The following DCBLD2 variants were observed in gnomAD, a reference collection of about 807,000 sequenced individuals.
DCBLD2 encodes the protein discoidin, CUB and LCCL domain-containing protein 2.
DCBLD2 carries 54 observed loss-of-function variants against 86.8 expected under a neutral mutation model. The ratio of observed to expected loss-of-function variants is 0.62; its 90% confidence interval spans 0.50 to 0.78. The LOEUF is 0.78. DCBLD2 is among the 30% of genes least tolerant of loss of function. The probability of loss-of-function intolerance (pLI) is 0.00; values close to 1 mark genes in which losing one functional copy is unlikely to be tolerated. For missense variants in DCBLD2, 908 were observed against 954.2 expected, an observed-to-expected ratio of 0.95 and a Z score of 0.64; for synonymous variants, 354 against 341.3, an observed-to-expected ratio of 1.04 and a Z score of -0.41.
intron 9 of DCBLD2, among the ~76,000 whole-genome samples, chr3:98,816,643 C>T (rs1382403409): frequency 1.3e-5 from 2 of 151,908 alleles, no homozygotes; most frequent in Non-Finnish European, 2.9e-5. Context: ...GATAATGAGC[C>T]CCTGGAGGTT....
chr3:98,860,296 C>T (rs1943016805), intron 2 of DCBLD2, among the ~76,000 whole-genome samples: 1 of 152,212 alleles, frequency 6.6e-6, no homozygotes. Flanking sequence ...TTGGAAAACA[C>T]TCTGCAGGAT....
At chr3:98,848,128 C>A (rs1435473181) in intron 3 of DCBLD2, among the ~76,000 whole-genome samples, 1 of 152,138 alleles carries the variant, frequency 6.6e-6, no homozygotes, top group Non-Finnish European at 1.5e-5. Flanking sequence ...TCCCACCTCC[C>A]ACCCTCCCAA....
chr3:98,866,169 G>C (rs557373751), intron 2 of DCBLD2, among the ~76,000 whole-genome samples: 1,542 of 151,698 alleles, frequency 0.01, 22 homozygotes, highest in African/African-American at 0.035. Context: ...GCAATAAACA[G>C]ACGTGTGCAT....
intron 1 of DCBLD2, among the ~76,000 whole-genome samples, chr3:98,889,502 G>A (rs1048441957): frequency 6.6e-6 from 1 of 151,990 alleles, no homozygotes; most frequent in African/African-American, 2.4e-5. Flanking sequence ...CAAAGTTATA[G>A]GGCAAAATAA....
chr3:98,861,002 T>C (rs1467587172), intron 2 of DCBLD2, among the ~76,000 whole-genome samples: 2 of 152,164 alleles, frequency 1.3e-5, no homozygotes, highest in Admixed American at 6.5e-5. Flanking sequence ...GAGACACACA[T>C]AGGCTCAAAA....
At chr3:98,841,849 T>C (rs1037051335) in intron 3 of DCBLD2, among the ~76,000 whole-genome samples, 3 of 152,024 alleles carry the variant, frequency 2.0e-5, no homozygotes, top group African/African-American at 7.3e-5. Context: ...GATCACGAGG[T>C]CAGGAGATCG....
chr3:98,855,633 A>C (rs1942919826), intron 2 of DCBLD2, among the ~76,000 whole-genome samples: 1 of 152,206 alleles, frequency 6.6e-6, no homozygotes, highest in Non-Finnish European at 1.5e-5. Flanking sequence ...CCCTCCTCTA[A>C]AATCCTTTCA....
rs749528635 is a variant in DCBLD2 at position 98,901,127 on chromosome 3, T to C, written c.200A>G (p.Gln67Arg). 2.6e-6 allele frequency: 4 copies of C among 1,539,612 alleles called. No homozygotes were observed. The highest frequency in any genetic ancestry group is 3.5e-6 in the Non-Finnish European group (4 of 1,146,756). ...LLLLLEDAGA[Q>R]QGDGCGHTVL... ...ACTCCCCTGGGACCACTCACCTTGC[T>C]GGGCTCCAGCGTCCTCGAGCAGCAG... Residue 67 changes from glutamine (Q) to arginine (R), a missense_variant, in exon 1 of 16, where the codon CAG (glutamine) becomes CGG (arginine). By Grantham distance (43) the Gln-to-Arg change is conservative. This residue lies in a region of DCBLD2 where 294 missense variants were observed against 256.0 expected (regional missense o/e 1.15). Coordinates refer to ENST00000326840, the MANE Select transcript of DCBLD2 (RefSeq NM_080927.4).
intron 2 of DCBLD2, among the ~76,000 whole-genome samples, chr3:98,870,806 A>AAAGGAAGAAAGG (rs1491200178): frequency 1.1e-4 from 13 of 123,300 alleles, no homozygotes; most frequent in Admixed American, 1.1e-3. Flanking sequence ...AGAAAGAAAG[A>AAAGGAAGAAAGG]AAGAAAGGTA....
chr3:98,809,795 T>C (rs1033314589), intron 12 of DCBLD2, among the ~76,000 whole-genome samples: 1 of 152,266 alleles, frequency 6.6e-6, no homozygotes, highest in East Asian at 1.9e-4. Context: ...ATCTTTTCCA[T>C]GAAATCACTC....
rs1196912216 is a variant in DCBLD2 at position 98,839,155 on chromosome 3, C to CTTTCTT, written c.571+10300_571+10305dup. On this transcript the variant is annotated intron_variant, in intron 3 of 15. Coordinates refer to ENST00000326840, the MANE Select transcript of DCBLD2 (RefSeq NM_080927.4). ...TCCTTCCTTCCTTCCTTCTTTCTTT[C>CTTTCTT]TTTCTTTCTTTCTTTCCTTTCTTTC... Among the ~76,000 whole-genome samples, 701 of 89,102 alleles carry CTTTCTT rather than the reference C, an allele frequency of 7.9e-3. 4 individuals are homozygous for CTTTCTT. The highest frequency in any genetic ancestry group is 0.03 in the African/African-American group (662 of 22,386). 58.5% of individuals were successfully genotyped at this position (89,102 alleles called of 152,430 possible).
chr3:98,876,412 T>TAAAAAAAAAAAAAAAAAAAAAAAAAAAA (rs60681986), intron 2 of DCBLD2, among the ~76,000 whole-genome samples: 12 of 47,532 alleles, frequency 2.5e-4, no homozygotes, highest in East Asian at 5.5e-4. Flanking sequence ...AGATAAAAAG[T>TAAAAAAAAAAAAAAAAAAAAAAAAAAAA]AAAAAAAAAA....
At chr3:98,876,412 T>TAAAAAAAAAAAAAAAAAAAAA (rs60681986) in intron 2 of DCBLD2, among the ~76,000 whole-genome samples, 3 of 47,530 alleles carry the variant, frequency 6.3e-5, no homozygotes, top group Admixed American at 4.9e-4. Flanking sequence ...AGATAAAAAG[T>TAAAAAAAAAAAAAAAAAAAAA]AAAAAAAAAA....
intron 2 of DCBLD2, among the ~76,000 whole-genome samples, chr3:98,861,324 G>T (rs932941332): frequency 4.6e-5 from 7 of 152,118 alleles, no homozygotes; most frequent in African/African-American, 1.7e-4. Context: ...CAATGAGAAA[G>T]AAAGTTAACA....
At chr3:98,894,250 G>C (rs760819613) in intron 1 of DCBLD2, among the ~76,000 whole-genome samples, 11 of 152,070 alleles carry the variant, frequency 7.2e-5, no homozygotes, top group Non-Finnish European at 1.5e-4. Flanking sequence ...TCCACAATAC[G>C]TTCCAGCCTC....
intron 13 of DCBLD2, among the ~76,000 whole-genome samples, chr3:98,806,487 A>G (rs888636165): frequency 6.6e-6 from 1 of 151,860 alleles, no homozygotes; most frequent in African/African-American, 2.4e-5. Context: ...TCTCATACTA[A>G]TTTGCTGTGT....
chr3:98,895,861 C>T (rs1053968587), intron 1 of DCBLD2, among the ~76,000 whole-genome samples: 2 of 152,202 alleles, frequency 1.3e-5, no homozygotes, highest in African/African-American at 2.4e-5. Flanking sequence ...CAGGACTATA[C>T]TGAGGTACAT....
chr3:98,835,833 G>A (rs1218495269), intron 3 of DCBLD2, among the ~76,000 whole-genome samples: 1 of 151,744 alleles, frequency 6.6e-6, no homozygotes, highest in Non-Finnish European at 1.5e-5. Context: ...TATAGCGTGA[G>A]CCACCACGCC....
At chr3:98,850,980 G>A (rs1942825650) in intron 2 of DCBLD2, among the ~76,000 whole-genome samples, 1 of 152,144 alleles carries the variant, frequency 6.6e-6, no homozygotes, top group African/African-American at 2.4e-5. Context: ...CAAACCCACA[G>A]CCAATATCAT....
Sources: gnomAD v4.1 joint callset for allele counts (sites outside exome capture counted in the v4.1 genomes callset) on GRCh38, gnomAD v4.1.1 for gene constraint, gnomAD v4.1.1 regional missense constraint, MANE v1.5 for transcripts, NCBI Gene and HGNC (gene_info 2026-07-23, HGNC 2026-07-21) for gene names.